Variants in SPAG16 observed in about 807,000 individuals in gnomAD.
SPAG16 encodes the protein sperm-associated antigen 16 protein.
Under a neutral mutation model 80.4 loss-of-function variants are expected in SPAG16, and 86 were observed. The ratio of observed to expected loss-of-function variants is 1.07; its 90% CI spans 0.90 to 1.28. SPAG16 has a LOEUF of 1.28. SPAG16 is among the 50% of genes most tolerant of loss of function. The pLI, the probability that SPAG16 is intolerant of heterozygous loss-of-function variation, is 0.00. For synonymous variants in SPAG16, 294 were observed against 265.9 expected (o/e 1.11, Z -1.03); for missense variants, 870 against 765.3 (o/e 1.14, Z -1.61).
At chr2:214,072,708 A>G (rs2125230804) in intron 13 of SPAG16, among the ~76,000 whole-genome samples, 1 of 152,312 alleles carries the variant, frequency 6.6e-6, no homozygotes, top group Admixed American at 6.5e-5. Flanking sequence ...AGAATCCAAG[A>G]TGATGTCATT....
At chr2:214,213,151 T>A (rs778280822) in intron 15 of SPAG16, among the ~76,000 whole-genome samples, 5 of 152,214 alleles carry the variant, frequency 3.3e-5, no homozygotes, top group Non-Finnish European at 7.3e-5. Context: ...GGAATTCTAA[T>A]CTTTTAAAAT....
intron 9 of SPAG16, among the ~76,000 whole-genome samples, chr2:213,480,485 T>C (rs1177590592): frequency 6.6e-6 from 1 of 152,222 alleles, no homozygotes; most frequent in Non-Finnish European, 1.5e-5. Context: ...AGAAAATCTT[T>C]GACATTTACT....
chr2:214,284,680 T>C (rs1693215518), intron 15 of SPAG16, among the ~76,000 whole-genome samples: 1 of 152,230 alleles, frequency 6.6e-6, no homozygotes, highest in South Asian at 2.1e-4. Context: ...AAGTTGAAAA[T>C]GATTGGTGCA....
Position 214,058,071 on chromosome 2 carries a change from G to A in SPAG16, c.1527+43994G>A, listed in dbSNP as rs145128068. Among the ~76,000 whole-genome samples, 410 of 152,234 alleles carry A rather than the reference G, an allele frequency of 2.7e-3. 1 individual carries two copies. The highest frequency in any genetic ancestry group is 0.01 in the Middle Eastern group (3 of 294). On this transcript the variant is annotated intron_variant, in intron 13 of 15. Transcript: ENST00000331683. ...CTGTCTCCATAACAGCAATAAGGCT[G>A]TGTCACTATCATTTGTGTGTTCACA...
At chr2:214,117,449 C>G (rs2053990805) in intron 14 of SPAG16, among the ~76,000 whole-genome samples, 1 of 152,138 alleles carries the variant, frequency 6.6e-6, no homozygotes, top group African/African-American at 2.4e-5. Flanking sequence ...CAATGTTTCT[C>G]AAACTATTCC....
chr2:214,371,532 CAAA>C (rs199553043), intron 15 of SPAG16, among the ~76,000 whole-genome samples: 2 of 78,372 alleles, frequency 2.6e-5, no homozygotes, highest in East Asian at 9.5e-4. Flanking sequence ...AAATCCTTCT[CAAA>C]AAAAAAAAAA....
intron 3 of SPAG16, among the ~76,000 whole-genome samples, chr2:213,307,933 A>G (rs1012707322): frequency 2.0e-5 from 3 of 152,288 alleles, no homozygotes; most frequent in East Asian, 1.9e-4. Context: ...CTCTTTCCTC[A>G]TTGGATTTCC....
At chr2:213,841,462 G>A (rs1418157067) in intron 10 of SPAG16, among the ~76,000 whole-genome samples, 2 of 152,086 alleles carry the variant, frequency 1.3e-5, no homozygotes, top group South Asian at 4.1e-4. Flanking sequence ...TTAGTAGAAT[G>A]AGTAAAAGAA....
At chr2:213,291,495 G>A (rs970393862) in intron 1 of SPAG16, among the ~76,000 whole-genome samples, 1 of 152,114 alleles carries the variant, frequency 6.6e-6, no homozygotes. Flanking sequence ...ACTACCTGAC[G>A]TATTGTCCCA....
intron 3 of SPAG16, among the ~76,000 whole-genome samples, chr2:213,307,106 T>C (rs2062970394): frequency 1.3e-5 from 2 of 152,216 alleles, no homozygotes; most frequent in African/African-American, 4.8e-5. Flanking sequence ...AGGATTTTTC[T>C]GTAGCCCCAA....
chr2:213,754,031 C>A (rs1202277395), intron 10 of SPAG16, among the ~76,000 whole-genome samples: 1 of 152,126 alleles, frequency 6.6e-6, no homozygotes, highest in African/African-American at 2.4e-5. Flanking sequence ...TTAATTCTAA[C>A]CTAGTATTTA....
At chr2:213,804,602 G>A (rs1407560207) in intron 10 of SPAG16, among the ~76,000 whole-genome samples, 1 of 152,208 alleles carries the variant, frequency 6.6e-6, no homozygotes, top group Non-Finnish European at 1.5e-5. Flanking sequence ...AGAATGGCGT[G>A]AACCCTGGAG....
chr2:213,697,264 T>C (rs988349699), intron 10 of SPAG16, among the ~76,000 whole-genome samples: 2 of 152,166 alleles, frequency 1.3e-5, no homozygotes, highest in African/African-American at 4.8e-5. Context: ...AGGGAGAAGG[T>C]ATGAATACTC....
chr2:213,604,822 T>G (rs1004255442), intron 10 of SPAG16, among the ~76,000 whole-genome samples: 3 of 151,678 alleles, frequency 2.0e-5, no homozygotes, highest in African/African-American at 7.3e-5. Flanking sequence ...TTGTAATATG[T>G]ACACAATATT....
At chr2:214,191,624 G>A (rs13406586) in intron 15 of SPAG16, among the ~76,000 whole-genome samples, 6,612 of 146,704 alleles carry the variant, frequency 0.045, 384 homozygotes, top group African/African-American at 0.13. Flanking sequence ...TGAGAGAGGA[G>A]AATTGATTGA....
chr2:213,976,231 T>C (rs1428312108), intron 12 of SPAG16, among the ~76,000 whole-genome samples: 2 of 150,750 alleles, frequency 1.3e-5, no homozygotes, highest in South Asian at 4.2e-4. Flanking sequence ...TATACATATA[T>C]ACACGTGTGT....
At chr2:214,035,916 A>C (rs1002375726) in intron 13 of SPAG16, among the ~76,000 whole-genome samples, 1 of 152,200 alleles carries the variant, frequency 6.6e-6, no homozygotes, top group Non-Finnish European at 1.5e-5. Context: ...CAGCCCTGGC[A>C]TGCCTTCCCC....
At chr2:214,267,307 A>G (rs1188362981) in intron 15 of SPAG16, among the ~76,000 whole-genome samples, 1 of 151,922 alleles carries the variant, frequency 6.6e-6, no homozygotes, top group East Asian at 1.9e-4. Context: ...CATATTGACC[A>G]GTGGAATAGG....
chr2:214,195,017 T>C (rs915301065), intron 15 of SPAG16, among the ~76,000 whole-genome samples: 1 of 152,050 alleles, frequency 6.6e-6, no homozygotes, highest in Non-Finnish European at 1.5e-5. Context: ...TAACAGTAGA[T>C]ACAAAAATAA....
Sources: gnomAD v4.1 joint callset for allele counts (sites outside exome capture counted in the v4.1 genomes callset) on GRCh38, gnomAD v4.1.1 for gene constraint, MANE v1.5 for transcripts, NCBI Gene and HGNC (gene_info 2026-07-23, HGNC 2026-07-21) for gene names.